The following RBMS3 variants were observed in gnomAD, a reference collection of about 807,000 sequenced individuals.
RBMS3 encodes RNA-binding motif, single-stranded-interacting protein 3.
RBMS3 carries 27 observed loss-of-function variants against 66.8 expected under a neutral mutation model. The ratio of observed to expected loss-of-function variants is 0.40; its 90% confidence interval spans 0.30 to 0.56. The LOEUF (loss-of-function observed/expected upper bound fraction) is 0.56, where lower values mean the gene tolerates loss of function less well. Ranked by LOEUF, RBMS3 falls within the 20% of genes least tolerant of loss-of-function variation. RBMS3 has a pLI of 0.40. For synonymous variants in RBMS3, 188 were observed against 183.0 expected (o/e 1.03, Z -0.22); for missense variants, 513 against 549.5 (o/e 0.93, Z 0.66).
intron 4 of RBMS3, among the ~76,000 whole-genome samples, chr3:29,697,360 T>A (rs959848815): frequency 1.3e-5 from 2 of 152,230 alleles, no homozygotes; most frequent in African/African-American, 4.8e-5. Flanking sequence ...ATCCTATTTA[T>A]CATTTTACTT....
intron 3 of RBMS3, among the ~76,000 whole-genome samples, chr3:29,555,583 G>C (rs1032891128): frequency 6.6e-6 from 1 of 152,100 alleles, no homozygotes; most frequent in Admixed American, 6.6e-5. Flanking sequence ...AGAAAACAAG[G>C]TGCAAGAAAT....
chr3:29,378,503 AAAC>A (rs1411904837), intron 1 of RBMS3, among the ~76,000 whole-genome samples: 66 of 151,260 alleles, frequency 4.4e-4, no homozygotes, highest in Middle Eastern at 6.8e-3. Flanking sequence ...AAAAAACAAA[AAAC>A]AACTGTCTAT....
chr3:29,507,752 T>C (rs113922008), intron 3 of RBMS3, among the ~76,000 whole-genome samples: 33 of 152,218 alleles, frequency 2.2e-4, no homozygotes, highest in African/African-American at 7.7e-4. Flanking sequence ...AATTATATAA[T>C]TGTATCCATG....
At chr3:29,919,921 A>G (rs894345535) in intron 10 of RBMS3, among the ~76,000 whole-genome samples, 2 of 152,232 alleles carry the variant, frequency 1.3e-5, no homozygotes, top group Non-Finnish European at 2.9e-5. Flanking sequence ...GATTTTAAGG[A>G]AAATAATTAT....
chr3:30,000,657 A>G (rs906935554), intron 14 of RBMS3, among the ~76,000 whole-genome samples: 1 of 152,214 alleles, frequency 6.6e-6, no homozygotes, highest in African/African-American at 2.4e-5. Flanking sequence ...CATTAATGAT[A>G]GACTTGATAA....
chr3:29,967,599 C>CT lies in RBMS3; in HGVS notation c.1099-20539dup, dbSNP rs539845109. 1.6e-3 allele frequency among the ~76,000 whole-genome samples: 246 copies of CT among 152,182 alleles called. 1 individual carries two copies. Among genetic ancestry groups the CT allele is most frequent in the African/African-American group, 5.6e-3 (232 of 41,540 alleles). ...CGTGAGCCACTGTGCCCGGCCTGGA[C>CT]TTTTTGTTGTTGTTGGTAATTTTTT... On this transcript the variant is annotated intron_variant, in intron 12 of 14. Coordinates refer to ENST00000383767, the MANE Select transcript of RBMS3 (RefSeq NM_001003793.3).
chr3:29,901,698 C>G (rs2060256697), intron 10 of RBMS3, among the ~76,000 whole-genome samples: 1 of 151,792 alleles, frequency 6.6e-6, no homozygotes, highest in Non-Finnish European at 1.5e-5. Context: ...GGCTACTACT[C>G]AGAGCTGATA....
At chr3:29,435,935 C>T (rs1335333935) in intron 2 of RBMS3, among the ~76,000 whole-genome samples, 5 of 149,982 alleles carry the variant, frequency 3.3e-5, no homozygotes, top group Admixed American at 3.3e-4. Context: ...GATCACGCCA[C>T]TGCACTCCAG....
At chr3:29,945,010 T>G (rs1695203845) in intron 12 of RBMS3, among the ~76,000 whole-genome samples, 1 of 151,734 alleles carries the variant, frequency 6.6e-6, no homozygotes, top group Non-Finnish European at 1.5e-5. Flanking sequence ...TCATTTTGAT[T>G]TTGAATTTTG....
chr3:29,886,830 G>C (rs953528844), intron 8 of RBMS3, among the ~76,000 whole-genome samples: 8 of 151,614 alleles, frequency 5.3e-5, no homozygotes, highest in African/African-American at 1.9e-4. Flanking sequence ...AGAAGTGTGA[G>C]AGTTTGTTCT....
At chr3:29,391,449 G>A (rs1189429171) in intron 1 of RBMS3, among the ~76,000 whole-genome samples, 1 of 152,162 alleles carries the variant, frequency 6.6e-6, no homozygotes, top group Non-Finnish European at 1.5e-5. Context: ...TATCAAATTT[G>A]TGTGACAAAC....
At chr3:29,869,045 C>T (rs950085953) in intron 7 of RBMS3, 81 bp downstream of exon 7, 5 of 1,185,684 alleles carry the variant, frequency 4.2e-6, no homozygotes, top group Non-Finnish European at 5.9e-6. Flanking sequence ...CGTATGGTGC[C>T]ATGATGAAAT....
In RBMS3 at chr3:30,005,057, C is replaced by CTAT. The variant is rs1352282348; in HGVS notation, c.*1198_*1200dup. The CTAT allele has an allele frequency of 6.6e-6, 1 of 151,308 alleles. No homozygotes were observed. Among genetic ancestry groups the CTAT allele is most frequent in the Non-Finnish European group, 1.5e-5 (1 of 67,586 alleles). The allele number at this position is 151,308 out of a possible 1,614,324, so 9.4% of individuals were successfully genotyped here. A position where few individuals can be genotyped will look rare whatever the true frequency, so the allele number is the denominator to read the frequency against. On this transcript the variant is annotated 3_prime_UTR_variant, in exon 15 of 15. Coordinates refer to ENST00000383767, the MANE Select transcript of RBMS3 (RefSeq NM_001003793.3). ...TTTATACCAAAGATGAAGTGACACC[C>CTAT]TATTACAGTCCAGAAGATAGAGGTT...
intron 11 of RBMS3, among the ~76,000 whole-genome samples, chr3:29,937,655 G>T (rs568726855): frequency 6.6e-6 from 1 of 151,872 alleles, no homozygotes; most frequent in Non-Finnish European, 1.5e-5. Flanking sequence ...GCTTGGGCTG[G>T]ATCAAATGAT....
intron 2 of RBMS3, among the ~76,000 whole-genome samples, chr3:29,475,573 C>T (rs1402963381): frequency 6.6e-6 from 1 of 152,118 alleles, no homozygotes; most frequent in Non-Finnish European, 1.5e-5. Context: ...CTTATTTACA[C>T]CACAATTAAG....
At chr3:29,841,751 C>A (rs189242598) in intron 6 of RBMS3, among the ~76,000 whole-genome samples, 1 of 152,004 alleles carries the variant, frequency 6.6e-6, no homozygotes, top group Non-Finnish European at 1.5e-5. Context: ...AAAAGCTCAT[C>A]AGGAAATGAT....
In RBMS3 at chr3:29,644,007, G is replaced by C. The variant is rs147679964; in HGVS notation, c.399+56802G>C. Reference sequence around the variant, plus strand: ...TTGGTTTCTCACACTCCAAAATTGAGGTTTCAGTGGCAGTATGCCGCTTCT... The same window carrying C: ...TTGGTTTCTCACACTCCAAAATTGACGTTTCAGTGGCAGTATGCCGCTTCT... On this transcript the variant is annotated intron_variant, in intron 4 of 14. Transcript: ENST00000383767. 3.5e-4 allele frequency among the ~76,000 whole-genome samples: 53 copies of C among 152,262 alleles called. No individual in the cohort carries two copies. In the South Asian group the frequency reaches 5.0e-3, roughly 14 times the overall value.
intron 5 of RBMS3, among the ~76,000 whole-genome samples, chr3:29,760,124 A>G (rs1385184790): frequency 6.6e-6 from 1 of 152,114 alleles, no homozygotes; most frequent in Non-Finnish European, 1.5e-5. Context: ...GATCACACTT[A>G]GAATGCAGAA....
intron 6 of RBMS3, among the ~76,000 whole-genome samples, chr3:29,790,234 G>C (rs1374935021): frequency 6.6e-6 from 1 of 152,124 alleles, no homozygotes; most frequent in East Asian, 1.9e-4. Context: ...AGGTAAAAAA[G>C]TAGCATATGA....
Sources: allele counts gnomAD v4.1 joint callset (sites outside exome capture counted in the v4.1 genomes callset), GRCh38; gene constraint gnomAD v4.1.1; transcripts MANE v1.5; gene names NCBI Gene and HGNC (gene_info 2026-07-23, HGNC 2026-07-21).